The following FAM149A variants were observed in gnomAD, a reference collection of about 807,000 sequenced individuals.
FAM149A encodes family with sequence similarity 149 member A, also known as protein FAM149A.
Under a neutral mutation model 78.2 loss-of-function variants are expected in FAM149A, and 71 were observed. The ratio of observed to expected loss-of-function variants is 0.91; its 90% CI spans 0.75 to 1.11. FAM149A has a LOEUF of 1.11. Ranked by LOEUF, FAM149A falls within the 50% of genes least tolerant of loss-of-function variation. The probability of loss-of-function intolerance (pLI) is 0.00; values close to 1 mark genes in which losing one functional copy is unlikely to be tolerated. For missense variants in FAM149A, 1,036 were observed against 971.0 expected, an observed-to-expected ratio of 1.07 and a Z score of -0.89; for synonymous variants, 446 against 410.5, an observed-to-expected ratio of 1.09 and a Z score of -1.04.
intron 1 of FAM149A, among the ~76,000 whole-genome samples, chr4:186,148,226 C>T (rs1188380262): frequency 1.3e-5 from 2 of 152,146 alleles, no homozygotes; most frequent in African/African-American, 4.8e-5. Flanking sequence ...ACTCAGGAGG[C>T]TGAGGCAGGA....
intron 1 of FAM149A, among the ~76,000 whole-genome samples, chr4:186,136,976 T>TCTCTCTTTCTCTCTCTC (rs2099323291): frequency 1.4e-4 from 10 of 72,116 alleles, no homozygotes; most frequent in African/African-American, 6.1e-4. Context: ...CTCTCTCTCT[T>TCTCTCTTTCTCTCTCTC]TCTCTCTCTC....
At chr4:186,158,457 C>A in intron 8 of FAM149A, 1 of 1,135,784 alleles carries the variant, frequency 8.8e-7, no homozygotes, top group Non-Finnish European at 1.1e-6. Flanking sequence ...CCCAGGAACA[C>A]CCATGGGAGT....
Position 186,158,369 on chromosome 4 carries a change from G to A in FAM149A, c.1575+650G>A, listed in dbSNP as rs1290894023. ...TGCTGTGTGGAAGTCGCCATCCCGT[G>A]CAACAAGGGAGCTCACTCAGTGGGC... On this transcript the variant is annotated intron_variant, in intron 8 of 13. Coordinates refer to ENST00000389354, the MANE Select transcript of FAM149A (RefSeq NM_001367768.3). 4 of 1,203,344 alleles carry A rather than the reference G, an allele frequency of 3.3e-6. No homozygotes were observed. The South Asian group carries it at 4.9e-5, about 15-fold the overall frequency. The allele number at this position is 1,203,344 out of a possible 1,614,324, so 74.5% of individuals were successfully genotyped here.
chr4:186,109,309 C>CTA, intron 1 of FAM149A: 2 of 687,578 alleles, frequency 2.9e-6, no homozygotes, highest in Non-Finnish European at 3.5e-6. Context: ...CATATATTCA[C>CTA]TCTTTTTTTT....
At chr4:186,165,196 T>C (rs1734932867) in intron 10 of FAM149A, 148 bp from the exon 11 acceptor site, 1 of 779,140 alleles carries the variant, frequency 1.3e-6, no homozygotes, top group South Asian at 1.7e-5. Flanking sequence ...CTGGGGAGCA[T>C]CCGGATAATA....
rs376761953 is a variant in FAM149A at position 186,149,990 on chromosome 4, T to C, written c.789+286T>C. ...CCGGGTGTGTGCTCCTTGTGACTTC[T>C]TGGATGGTATCCATGGCCGGAAATT... On this transcript the variant is annotated intron_variant, in intron 3 of 13. Coordinates refer to ENST00000389354, the MANE Select transcript of FAM149A (RefSeq NM_001367768.3). 1.1e-4 allele frequency among the ~76,000 whole-genome samples: 17 copies of C among 152,346 alleles called. No homozygotes were observed. In the East Asian group the frequency reaches 3.1e-3, roughly 28 times the overall value.
intron 1 of FAM149A, among the ~76,000 whole-genome samples, chr4:186,112,343 C>T (rs1258548688): frequency 7.0e-6 from 1 of 142,610 alleles, no homozygotes; most frequent in East Asian, 2.1e-4. Flanking sequence ...CGTCTGCAAA[C>T]AGGGACAATT....
At position 186,167,235 on chromosome 4, in the gene FAM149A, A is replaced by G; in HGVS notation, c.2191A>G (p.Thr731Ala). The stretch of plus-strand genomic sequence containing the variant: ...GACACAAATGGAATTTGCTGCTCAC[A>G]CATGGACAGGTCAAAGTATTTTGAC... The change falls in exon 13 of 14, where the codon ACA (threonine) becomes GCA (alanine). Residue 731 changes from threonine (T) to alanine (A), a missense_variant. Physicochemically the swap from Thr to Ala is moderately conservative, Grantham distance 58. Around this residue, in one of 3 missense-constraint regions of FAM149A, gnomAD observed 716 missense variants for 711.8 expected, o/e 1.01. Transcript: ENST00000389354. 1 of 1,613,380 alleles carries G rather than the reference A, an allele frequency of 6.2e-7. No individual in the cohort carries two copies. Among genetic ancestry groups the G allele is most frequent in the Non-Finnish European group, 8.5e-7 (1 of 1,179,270 alleles).
chr4:186,134,814 C>G (rs1024075151), intron 1 of FAM149A, among the ~76,000 whole-genome samples: 2 of 152,012 alleles, frequency 1.3e-5, no homozygotes, highest in African/African-American at 4.8e-5. Flanking sequence ...TGAGACCTCG[C>G]TTTTTCTTCT....
intron 3 of FAM149A, among the ~76,000 whole-genome samples, chr4:186,150,505 C>T (rs1293803130): frequency 1.6e-4 from 22 of 137,726 alleles, no homozygotes; most frequent in African/African-American, 2.4e-4. Flanking sequence ...CTGCAAGCTC[C>T]GCCTCCCGGG....
chr4:186,152,405 AT>A (rs1224615259), intron 4 of FAM149A, among the ~76,000 whole-genome samples: 1 of 152,056 alleles, frequency 6.6e-6, no homozygotes, highest in East Asian at 1.9e-4. Context: ...GGCAGAGATG[AT>A]TTGCTGAACG....
At position 186,146,083 on chromosome 4, in the gene FAM149A, C is replaced by T. The variant is rs185991628; in HGVS notation, c.567-3090C>T. On this transcript the variant is annotated intron_variant, in intron 1 of 13. Coordinates refer to ENST00000389354, the MANE Select transcript of FAM149A (RefSeq NM_001367768.3). The stretch of plus-strand genomic sequence containing the variant: ...TTAGTAACTTGTGCCACTGGAGAGA[C>T]AGGCAGGTCAGTGGCCTGGTTCCTC... 2.3e-4 allele frequency among the ~76,000 whole-genome samples: 35 copies of T among 152,238 alleles called. No homozygotes were observed. In the South Asian group the frequency reaches 4.1e-3, roughly 18 times the overall value.
intron 1 of FAM149A, chr4:186,132,298 A>C: frequency 2.4e-6 from 2 of 821,446 alleles, no homozygotes; most frequent in Non-Finnish European, 2.9e-6. Context: ...AAATTGATTT[A>C]AAAGCTACAG....
At position 186,173,462 on chromosome 4, in the gene FAM149A, C is replaced by T. The variant is rs1735633660; in HGVS notation, c.*1475C>T. 9.0e-6 allele frequency among the ~76,000 whole-genome samples: 1 copy of T among 111,700 alleles called. No individual in the cohort carries two copies. Among genetic ancestry groups the T allele is most frequent in the South Asian group, 2.8e-4 (1 of 3,604 alleles). The allele number at this position is 111,700 out of a possible 152,430, so 73.3% of individuals were successfully genotyped here. ...CCACCTCCTGGGCTCAAGCGATTCT[C>T]CTGCTTCAGCCTCCTGGGTAGCTAG... On this transcript the variant is annotated 3_prime_UTR_variant, in exon 14 of 14. Transcript: ENST00000389354.
At chr4:186,143,526 TCAA>T (rs770018003) in intron 1 of FAM149A, among the ~76,000 whole-genome samples, 1 of 152,160 alleles carries the variant, frequency 6.6e-6, no homozygotes, top group Admixed American at 6.5e-5. Context: ...TGTTCTTAGT[TCAA>T]CAATGGATTA....
intron 1 of FAM149A, chr4:186,117,464 C>T (rs2099314215): frequency 5.1e-6 from 5 of 985,252 alleles, no homozygotes; most frequent in Non-Finnish European, 6.0e-6. Context: ...GAAGAGGAGG[C>T]GCGGAGATGA....
intron 13 of FAM149A, chr4:186,169,867 A>G (rs1480994745): frequency 1.0e-6 from 1 of 985,470 alleles, no homozygotes; most frequent in East Asian, 1.1e-4. Context: ...GACCCAAGAC[A>G]AAAGAGCTAT....
chr4:186,121,637 T>C (rs1045455988), intron 1 of FAM149A, among the ~76,000 whole-genome samples: 1 of 152,168 alleles, frequency 6.6e-6, no homozygotes, highest in Non-Finnish European at 1.5e-5. Context: ...GCAATTGATA[T>C]TCTGACGCAC....
chr4:186,117,600 C>T, intron 1 of FAM149A: 1 of 985,378 alleles, frequency 1.0e-6, no homozygotes, highest in Non-Finnish European at 1.2e-6. Context: ...GCCGTGGAGG[C>T]CCAGAGCCAC....
Sources: gnomAD v4.1 joint callset for allele counts (sites outside exome capture counted in the v4.1 genomes callset) on GRCh38, gnomAD v4.1.1 for gene constraint, gnomAD v4.1.1 regional missense constraint, MANE v1.5 for transcripts, NCBI Gene and HGNC (gene_info 2026-07-23, HGNC 2026-07-21) for gene names.